RAB21: variants seen among roughly 807,000 people sequenced by gnomAD.
The protein encoded by RAB21 is ras-related protein Rab-21.
In RAB21, 13 loss-of-function variants were observed where a neutral mutation model predicts 33.1. The ratio of observed to expected loss-of-function variants is 0.39; its 90% CI spans 0.26 to 0.62. RAB21 has a LOEUF of 0.62. Ranked by LOEUF, RAB21 falls within the 20% of genes least tolerant of loss-of-function variation. The pLI is 0.48. For synonymous variants in RAB21, 91 were observed against 103.7 expected, an observed-to-expected ratio of 0.88 and a Z score of 0.74; for missense variants, 234 against 279.1, an observed-to-expected ratio of 0.84 and a Z score of 1.15.
chr12:71,756,982 T>TGAAC (rs759684762), intron 1 of RAB21, among the ~76,000 whole-genome samples: 90 of 152,334 alleles, frequency 5.9e-4, no homozygotes, highest in Admixed American at 8.5e-4. Context: ...AGCTCAAATT[T>TGAAC]GAACCCCTGT....
chr12:71,765,151 T>C (rs1470133925), intron 1 of RAB21, among the ~76,000 whole-genome samples: 2 of 152,164 alleles, frequency 1.3e-5, no homozygotes, highest in African/African-American at 2.4e-5. Flanking sequence ...ATGGTCATTC[T>C]TGTAGGAGTA....
At chr12:71,770,342 G>A (rs1883024416) in intron 2 of RAB21, among the ~76,000 whole-genome samples, 1 of 152,126 alleles carries the variant, frequency 6.6e-6, no homozygotes, top group South Asian at 2.1e-4. Context: ...ATGGGGGTGG[G>A]GAAGTGCTGA....
chr12:71,757,538 T>C (rs1033999347), intron 1 of RAB21, among the ~76,000 whole-genome samples: 1 of 152,254 alleles, frequency 6.6e-6, no homozygotes, highest in Non-Finnish European at 1.5e-5. Flanking sequence ...GATGAAGTTA[T>C]AGTAGATATC....
At chr12:71,756,717 A>G (rs1159463477) in intron 1 of RAB21, among the ~76,000 whole-genome samples, 1 of 152,226 alleles carries the variant, frequency 6.6e-6, no homozygotes, top group Non-Finnish European at 1.5e-5. Flanking sequence ...AGATCAAGAA[A>G]ATTCACTGGA....
chr12:71,781,723 T>C (rs1883203919), intron 4 of RAB21, among the ~76,000 whole-genome samples: 1 of 152,074 alleles, frequency 6.6e-6, no homozygotes, highest in Non-Finnish European at 1.5e-5. Flanking sequence ...GAATCATAGG[T>C]TTATCTCTAG....
At chr12:71,757,776 CTT>C (rs34897124) in intron 1 of RAB21, among the ~76,000 whole-genome samples, 2 of 152,068 alleles carry the variant, frequency 1.3e-5, no homozygotes, top group African/African-American at 4.8e-5. Context: ...AAGAGTTCAC[CTT>C]TTTTCTCGTC....
chr12:71,771,232 A>G (rs1333335278), intron 3 of RAB21, among the ~76,000 whole-genome samples: 1 of 152,232 alleles, frequency 6.6e-6, no homozygotes, highest in African/African-American at 2.4e-5. Context: ...AACACACCAC[A>G]TACGTATGAC....
At chr12:71,774,699 G>C (rs1883094242) in intron 4 of RAB21, among the ~76,000 whole-genome samples, 1 of 151,412 alleles carries the variant, frequency 6.6e-6, no homozygotes, top group South Asian at 2.1e-4. Flanking sequence ...GGAGGTTGCA[G>C]TGAGCCAAGA....
At chr12:71,770,525 C>T in intron 2 of RAB21, 67 bp from the exon 3 acceptor site, 1 of 1,076,592 alleles carries the variant, frequency 9.3e-7, no homozygotes, top group Non-Finnish European at 1.4e-6. Flanking sequence ...TCAAAAAGTT[C>T]ACCATAGTTG....
intron 1 of RAB21, among the ~76,000 whole-genome samples, chr12:71,761,764 ATTTAT>A (rs1565884652): frequency 6.6e-6 from 1 of 152,100 alleles, no homozygotes; most frequent in African/African-American, 2.4e-5. Flanking sequence ...TTAAAAGAAA[ATTTAT>A]TTTATTTTAT....
At chr12:71,761,168 C>T (rs1175922106) in intron 1 of RAB21, among the ~76,000 whole-genome samples, 1 of 151,966 alleles carries the variant, frequency 6.6e-6, no homozygotes, top group Admixed American at 6.6e-5. Flanking sequence ...GATTGTGCCA[C>T]AGCACTCCAG....
intron 1 of RAB21, among the ~76,000 whole-genome samples, chr12:71,765,304 G>T (rs967918934): frequency 6.6e-6 from 1 of 151,920 alleles, no homozygotes; most frequent in Admixed American, 6.6e-5. Context: ...TGATGGGGTT[G>T]TTTTTTTCTT....
At chr12:71,777,425 G>A (rs1396903229) in intron 4 of RAB21, among the ~76,000 whole-genome samples, 1 of 152,044 alleles carries the variant, frequency 6.6e-6, no homozygotes, top group Admixed American at 6.5e-5. Context: ...ATACTCCACA[G>A]TTTATCTGTT....
chr12:71,761,056 A>T lies in RAB21; in HGVS notation c.159+5768A>T, dbSNP rs561098862. Among the ~76,000 whole-genome samples, 4 of 152,036 alleles carry T rather than the reference A, an allele frequency of 2.6e-5. No individual in the cohort carries two copies. In the South Asian group the frequency reaches 8.3e-4, roughly 32 times the overall value. On this transcript the variant is annotated intron_variant, in intron 1 of 6. Transcript: ENST00000261263. ...TCCATCTCTAGTTAAAAAAAAAAAAAAATAGCTGGGCATGGTGATGCACAC... is the reference window on the plus strand; with the variant it reads ...TCCATCTCTAGTTAAAAAAAAAAAATAATAGCTGGGCATGGTGATGCACAC...
At position 71,754,956 on chromosome 12, in the gene RAB21, TCTCGGA is replaced by T; in HGVS notation, c.-171_-166del. ...GACGTGGTGGGCTGGGGCCCTTCAT[TCTCGGA>T]CTTTCCCTCAGCCCTTCCAGGCCTC... On this transcript the variant is annotated 5_prime_UTR_variant, in exon 1 of 7. Transcript: ENST00000261263. 2.0e-6 allele frequency: 1 copy of T among 495,742 alleles called. No homozygotes were observed. Among genetic ancestry groups the T allele is most frequent in the South Asian group, 8.6e-5 (1 of 11,688 alleles). The allele number at this position is 495,742 out of a possible 1,614,324, so 30.7% of individuals were successfully genotyped here.
intron 4 of RAB21, 177 bp downstream of exon 4, chr12:71,774,199 C>T (rs551693999): frequency 1.7e-4 from 56 of 330,704 alleles, no homozygotes; most frequent in African/African-American, 1.2e-3. Flanking sequence ...GTAATTCCAG[C>T]GCCTTGGGAG....
rs1431452079 is a variant in RAB21 at position 71,791,759 on chromosome 12, A to G, written c.*6086A>G. The stretch of plus-strand genomic sequence containing the variant: ...CTTTATTATGCAGTTTTATATTTAT[A>G]TTTGGCCTTTGTAAATTTTCCATTC... On this transcript the variant is annotated 3_prime_UTR_variant, in exon 7 of 7. Coordinates refer to ENST00000261263, the MANE Select transcript of RAB21 (RefSeq NM_014999.4). 1 of 152,162 alleles carries G rather than the reference A, an allele frequency of 6.6e-6. No homozygotes were observed. Among genetic ancestry groups the G allele is most frequent in the Admixed American group, 6.5e-5 (1 of 15,276 alleles). The allele number at this position is 152,162 out of a possible 1,614,324, so 9.4% of individuals were successfully genotyped here.
chr12:71,774,508 C>CA, intron 4 of RAB21, among the ~76,000 whole-genome samples: 1 of 151,668 alleles, frequency 6.6e-6, no homozygotes, highest in Non-Finnish European at 1.5e-5. Flanking sequence ...CCTGTGATCC[C>CA]AGCACTTTGG....
Position 71,786,824 on chromosome 12 carries a change from T to C in RAB21, c.*1151T>C, listed in dbSNP as rs559757913. ...TGAGCAGTAGCATTTGCCTTTTGGG[T>C]TTTTTGTTTGTTATTATAGAAGAGA... On this transcript the variant is annotated 3_prime_UTR_variant, in exon 7 of 7. Transcript: ENST00000261263. The C allele has an allele frequency of 1.3e-5, 2 of 152,216 alleles. No homozygotes were observed. The highest frequency in any genetic ancestry group is 2.9e-5 in the Non-Finnish European group (2 of 68,038). 9.4% of individuals were successfully genotyped at this position (152,216 alleles called of 1,614,324 possible).
Sources: gnomAD v4.1 joint callset for allele counts (sites outside exome capture counted in the v4.1 genomes callset) on GRCh38, gnomAD v4.1.1 for gene constraint, MANE v1.5 for transcripts, NCBI Gene and HGNC (gene_info 2026-07-23, HGNC 2026-07-21) for gene names.